The following NEMP1 variants were observed in gnomAD, a reference collection of about 807,000 sequenced individuals.
The protein encoded by NEMP1 is transmembrane protein 194.
In NEMP1, 29 loss-of-function variants were observed where a neutral mutation model predicts 53.7. That is an observed-to-expected ratio of 0.54 (90% CI 0.40 to 0.74). NEMP1 has a LOEUF of 0.74. NEMP1 is among the 30% of genes least tolerant of loss of function. NEMP1 has a pLI of 0.00. For synonymous variants in NEMP1, 193 were observed against 192.9 expected, an observed-to-expected ratio of 1.00 and a Z score of 0.00; for missense variants, 477 against 528.6, an observed-to-expected ratio of 0.90 and a Z score of 0.96.
chr12:57,078,162 G>C (rs917884649), intron 1 of NEMP1, among the ~76,000 whole-genome samples: 1 of 152,138 alleles, frequency 6.6e-6, no homozygotes, highest in Non-Finnish European at 1.5e-5. Context: ...AACTACATCC[G>C]TTCTGCCACC....
intron 1 of NEMP1, among the ~76,000 whole-genome samples, chr12:57,087,418 G>A (rs575897891): frequency 2.5e-4 from 38 of 151,848 alleles, no homozygotes; most frequent in African/African-American, 8.9e-4. Flanking sequence ...GCCAGCGGCT[G>A]GCAGCCCGGG....
At chr12:57,064,455 T>C (rs1411697921) in intron 5 of NEMP1, among the ~76,000 whole-genome samples, 191 bp downstream of exon 5, 1 of 152,300 alleles carries the variant, frequency 6.6e-6, no homozygotes, top group Non-Finnish European at 1.5e-5. Context: ...CACAGGATTT[T>C]ATATAAAAAG....
chr12:57,059,254 T>C lies in NEMP1; in HGVS notation c.*625A>G, dbSNP rs1485403968. ...TCCTGGGGCTTTAATGGATAATCCATATTAATAAATATGTAGGGGCCTAGG... is the reference window on the plus strand; with the variant it reads ...TCCTGGGGCTTTAATGGATAATCCACATTAATAAATATGTAGGGGCCTAGG... On this transcript the variant is annotated 3_prime_UTR_variant, in exon 9 of 9. Transcript: ENST00000300128. 6.6e-6 allele frequency: 1 copy of C among 152,206 alleles called. No homozygotes were observed. Among genetic ancestry groups the C allele is most frequent in the African/African-American group, 2.4e-5 (1 of 41,454 alleles). The allele number at this position is 152,206 out of a possible 1,614,324, so 9.4% of individuals were successfully genotyped here.
chr12:57,064,087 G>A lies in NEMP1; in HGVS notation c.738C>T (p.Tyr246=), dbSNP rs2136488262. 1 of 1,602,754 alleles carries A rather than the reference G, an allele frequency of 6.2e-7. No homozygotes were observed. Among genetic ancestry groups the A allele is most frequent in the South Asian group, 1.1e-5 (1 of 89,654 alleles). ...AACACTTACTTAAAAGATACTGCCA[G>A]TAACACCTCCAGATCTCTTGTAAAT... ...FKNLQEIWRC[Y]WQYLLSYVLT... Residue 246 remains tyrosine (Y), a synonymous_variant, in exon 6 of 9, where the codon TAC becomes TAT. Coordinates refer to ENST00000300128, the MANE Select transcript of NEMP1 (RefSeq NM_001130963.2).
intron 4 of NEMP1, among the ~76,000 whole-genome samples, chr12:57,065,548 G>A (rs2032031291): frequency 7.2e-6 from 1 of 139,040 alleles, no homozygotes; most frequent in African/African-American, 2.7e-5. Flanking sequence ...TTGAGACAAA[G>A]TCTCACTCTG....
Position 57,057,060 on chromosome 12 carries a change from C to T in NEMP1, c.*2819G>A, listed in dbSNP as rs1183801274. ...TTTTTGATCCCTGTGTTCTGTTGGT[C>T]TCTTGAAGCAATCTGAGTGGGAAAG... On this transcript the variant is annotated 3_prime_UTR_variant, in exon 9 of 9. Transcript: ENST00000300128. 6.6e-6 allele frequency: 1 copy of T among 152,166 alleles called. No homozygotes were observed. Among genetic ancestry groups the T allele is most frequent in the East Asian group, 1.9e-4 (1 of 5,204 alleles). 9.4% of individuals were successfully genotyped at this position (152,166 alleles called of 1,614,324 possible).
intron 1 of NEMP1, among the ~76,000 whole-genome samples, chr12:57,073,731 T>C (rs2032466137): frequency 6.6e-6 from 1 of 152,206 alleles, no homozygotes; most frequent in Non-Finnish European, 1.5e-5. Context: ...GTAAGCACTC[T>C]CATAATCCCT....
At position 57,058,891 on chromosome 12, in the gene NEMP1, C is replaced by T. The variant is rs1210304190; in HGVS notation, c.*988G>A. On this transcript the variant is annotated 3_prime_UTR_variant, in exon 9 of 9. Transcript: ENST00000300128. Reference sequence around the variant, plus strand: ...ACAGTTTCCTGATTTCATAGCAACTCAAAGATAACATGACCCAATGACAGG... The same window carrying T: ...ACAGTTTCCTGATTTCATAGCAACTTAAAGATAACATGACCCAATGACAGG... 1 of 152,116 alleles carries T rather than the reference C, an allele frequency of 6.6e-6. No individual in the cohort carries two copies. Among genetic ancestry groups the T allele is most frequent in the Non-Finnish European group, 1.5e-5 (1 of 68,016 alleles). The allele number at this position is 152,116 out of a possible 1,614,324, so 9.4% of individuals were successfully genotyped here.
Position 57,057,329 on chromosome 12 carries a change from G to A in NEMP1, c.*2550C>T, listed in dbSNP as rs924187664. On this transcript the variant is annotated 3_prime_UTR_variant, in exon 9 of 9. Coordinates refer to ENST00000300128, the MANE Select transcript of NEMP1 (RefSeq NM_001130963.2). ...AGTTATCCCTTCAATCCTTCTTGAT[G>A]AGATTGGTCTGAGAGATGAGACTGT... is the stretch of plus-strand genomic sequence containing the variant. The A allele has an allele frequency of 2.0e-5, 3 of 152,232 alleles. No individual in the cohort carries two copies. Among genetic ancestry groups the A allele is most frequent in the Non-Finnish European group, 4.4e-5 (3 of 68,048 alleles). The allele number at this position is 152,232 out of a possible 1,614,324, so 9.4% of individuals were successfully genotyped here. A position where few individuals can be genotyped will look rare whatever the true frequency, so the allele number is the denominator to read the frequency against.
In NEMP1 at chr12:57,056,843, C is replaced by A. The variant is rs775503507; in HGVS notation, c.*3036G>T. The A allele has an allele frequency of 2.6e-5, 4 of 152,138 alleles. No homozygotes were observed. Among genetic ancestry groups the A allele is most frequent in the Non-Finnish European group, 5.9e-5 (4 of 68,030 alleles). 9.4% of individuals were successfully genotyped at this position (152,138 alleles called of 1,614,324 possible). On this transcript the variant is annotated 3_prime_UTR_variant, in exon 9 of 9. Transcript: ENST00000300128. ...AAAGGGAACACCATCAGTCAAGAGA[C>A]GGCTGGGCCCTAGAATGGAATCTAT...
At chr12:57,063,471 T>C (rs1215748656) in intron 6 of NEMP1, 127 bp from the exon 7 acceptor site, 4 of 709,412 alleles carry the variant, frequency 5.6e-6, no homozygotes, top group Non-Finnish European at 9.2e-6. Context: ...TTTACTTAAT[T>C]TTTCACACTT....
intron 1 of NEMP1, among the ~76,000 whole-genome samples, chr12:57,075,660 C>CAA (rs780744570): frequency 8.6e-6 from 1 of 116,506 alleles, no homozygotes. Flanking sequence ...CCCATCTCTA[C>CAA]AAAAAAAAAA....
At chr12:57,073,025 C>A (rs922697992) in intron 1 of NEMP1, 113 bp from the exon 2 acceptor site, 5 of 892,426 alleles carry the variant, frequency 5.6e-6, no homozygotes, top group South Asian at 2.7e-5. Context: ...AAAACATTAG[C>A]CAGACTGAGA....
chr12:57,065,980 C>A (rs2032054376), intron 4 of NEMP1, among the ~76,000 whole-genome samples: 3 of 151,980 alleles, frequency 2.0e-5, no homozygotes, highest in African/African-American at 7.2e-5. Flanking sequence ...TCTGGCCGGG[C>A]ATGGTGGCTC....
chr12:57,060,153 C>T (rs1312068360), intron 8 of NEMP1, 94 bp from the exon 9 acceptor site: 6 of 1,150,400 alleles, frequency 5.2e-6, no homozygotes, highest in Non-Finnish European at 6.2e-6. Context: ...TCGATATGCT[C>T]GCAACTCAAA....
intron 3 of NEMP1, 97 bp downstream of exon 3, chr12:57,070,577 C>T (rs2032298180): frequency 4.0e-6 from 4 of 998,034 alleles, no homozygotes; most frequent in Non-Finnish European, 5.9e-6. Flanking sequence ...CCAACTGGAG[C>T]TGTCTTAGGC....
Position 57,060,772 on chromosome 12 carries a change from C to CT in NEMP1, c.1153dup (p.Arg385LysfsTer4). On this transcript the variant is annotated frameshift_variant and splice_region_variant, in exon 8 of 9. Transcript: ENST00000300128. LOFTEE classifies it high-confidence loss of function. ...GCTTGGTATATCTGGCCGAGTTTAC[C>CT]TTTTTGGAGACTGGATTCGAGAAAC... 6.2e-7 allele frequency: 1 copy of CT among 1,610,486 alleles called. No individual in the cohort carries two copies. The highest frequency in any genetic ancestry group is 8.5e-7 in the Non-Finnish European group (1 of 1,178,568).
At chr12:57,065,910 C>T (rs1338406774) in intron 4 of NEMP1, among the ~76,000 whole-genome samples, 1 of 152,102 alleles carries the variant, frequency 6.6e-6, no homozygotes, top group African/African-American at 2.4e-5. Flanking sequence ...TCACCCTTCA[C>T]AGAATTGAAG....
At chr12:57,079,350 T>A (rs2032774792), upstream of NEMP1, among the ~76,000 whole-genome samples, 1 of 152,290 alleles carries the variant, frequency 6.6e-6, no homozygotes, top group African/African-American at 2.4e-5. Flanking sequence ...AAAAATGTAT[T>A]CATAGGATTT....
Sources: allele counts gnomAD v4.1 joint callset (sites outside exome capture counted in the v4.1 genomes callset), GRCh38; gene constraint gnomAD v4.1.1; transcripts MANE v1.5; gene names NCBI Gene and HGNC (gene_info 2026-07-23, HGNC 2026-07-21).